RBFOX1: variants seen among roughly 807,000 people sequenced by gnomAD.
RBFOX1 encodes the protein RNA binding fox-1 homolog 1.
In RBFOX1, 8 loss-of-function variants were observed where a neutral mutation model predicts 57.7. That is an observed-to-expected ratio of 0.14 (90% CI 0.08 to 0.25). The LOEUF (loss-of-function observed/expected upper bound fraction) is 0.25. RBFOX1 is among the 10% of genes least tolerant of loss of function. RBFOX1 has a pLI of 1.00. For missense variants in RBFOX1, 611 were observed against 548.5 expected (o/e 1.11, Z -1.14); for synonymous variants, 326 against 222.4 (o/e 1.47, Z -4.15).
At chr16:7,171,153 A>G (rs1226350207) in intron 4 of RBFOX1, among the ~76,000 whole-genome samples, 2 of 152,148 alleles carry the variant, frequency 1.3e-5, no homozygotes, top group African/African-American at 2.4e-5. Flanking sequence ...ACTTGCCACC[A>G]TTGCCAGTCG....
At chr16:6,449,284 T>C (rs989610881) in intron 2 of RBFOX1, among the ~76,000 whole-genome samples, 10 of 152,220 alleles carry the variant, frequency 6.6e-5, no homozygotes, top group African/African-American at 2.2e-4. Context: ...AAATCATGCT[T>C]GCTCGTTTCT....
chr16:7,178,736 T>G (rs2082136116), intron 4 of RBFOX1, among the ~76,000 whole-genome samples: 1 of 152,186 alleles, frequency 6.6e-6, no homozygotes, highest in East Asian at 1.9e-4. Flanking sequence ...GGACCTCAGA[T>G]GTATTGCTGT....
At position 5,834,137 on chromosome 16, in the gene RBFOX1, A is replaced by G. The variant is rs78608454; in HGVS notation, c.319-33166A>G. 7.7e-4 allele frequency among the ~76,000 whole-genome samples: 118 copies of G among 152,308 alleles called. 1 individual carries two copies. The highest frequency in any genetic ancestry group is 2.5e-3 in the African/African-American group (105 of 41,552). ...TTTAAGAAATTAAGACAATTTTTCA[A>G]TGGCTTCAGTGGTACACGTGGTTTT... is the stretch of plus-strand genomic sequence containing the variant. On this transcript the variant is annotated intron_variant, in intron 3 of 19. Transcript: ENST00000641259.
At chr16:6,076,838 A>T (rs1056982317) in intron 1 of RBFOX1, among the ~76,000 whole-genome samples, 1 of 152,156 alleles carries the variant, frequency 6.6e-6, no homozygotes, top group Non-Finnish European at 1.5e-5. Context: ...CATGAGGCCA[A>T]AAACGGGAGC....
intron 4 of RBFOX1, among the ~76,000 whole-genome samples, chr16:7,327,805 A>G (rs572447948): frequency 1.5e-4 from 19 of 129,606 alleles, no homozygotes; most frequent in Admixed American, 1.1e-3. Context: ...CCCATTAAAC[A>G]ATATTACCTT....
At chr16:7,706,390 T>G (rs2082449329) in intron 14 of RBFOX1, among the ~76,000 whole-genome samples, 1 of 152,184 alleles carries the variant, frequency 6.6e-6, no homozygotes, top group South Asian at 2.1e-4. Flanking sequence ...TGGAAGAGAA[T>G]ACTGCCAAAT....
At chr16:6,635,379 A>G (rs2098423330) in intron 2 of RBFOX1, among the ~76,000 whole-genome samples, 1 of 152,114 alleles carries the variant, frequency 6.6e-6, no homozygotes, top group African/African-American at 2.4e-5. Context: ...AATCATTTCC[A>G]CCATAGCCCA....
intron 4 of RBFOX1, among the ~76,000 whole-genome samples, chr16:7,436,055 G>A (rs2098719191): frequency 6.6e-6 from 1 of 152,148 alleles, no homozygotes; most frequent in Admixed American, 6.5e-5. Flanking sequence ...TGAACATCGT[G>A]AGAATTTCTT....
intron 1 of RBFOX1, among the ~76,000 whole-genome samples, chr16:6,308,429 G>A (rs1304396508): frequency 6.6e-6 from 1 of 152,186 alleles, no homozygotes; most frequent in African/African-American, 2.4e-5. Context: ...TTACATAAAT[G>A]AATGCACATG....
intron 4 of RBFOX1, among the ~76,000 whole-genome samples, chr16:5,907,045 G>T (rs1341385323): frequency 6.6e-6 from 1 of 151,988 alleles, no homozygotes; most frequent in Non-Finnish European, 1.5e-5. Flanking sequence ...CCCATCTGGG[G>T]GATTTTAAAA....
chr16:5,472,681 C>T (rs2069179384), intron 2 of RBFOX1, among the ~76,000 whole-genome samples: 1 of 152,162 alleles, frequency 6.6e-6, no homozygotes, highest in South Asian at 2.1e-4. Context: ...ATTCACAGCG[C>T]CTTCCCTGTT....
chr16:6,535,645 G>A (rs7186783), intron 2 of RBFOX1, among the ~76,000 whole-genome samples: 24,343 of 152,096 alleles, frequency 0.16, 2,189 homozygotes, highest in East Asian at 0.41. Context: ...ATCAACCGTT[G>A]CTCCAGGCTT....
intron 2 of RBFOX1, among the ~76,000 whole-genome samples, chr16:5,548,170 A>ATATATATATATATATATATAT (rs1317008346): frequency 6.6e-4 from 27 of 40,668 alleles, no homozygotes; most frequent in Admixed American, 1.9e-3. Flanking sequence ...AAAAAAAAAA[A>ATATATATATATATATATATAT]AAAAATATAT....
chr16:6,910,365 T>C (rs549637030), intron 3 of RBFOX1, among the ~76,000 whole-genome samples: 79 of 152,314 alleles, frequency 5.2e-4, no homozygotes, highest in African/African-American at 1.8e-3. Flanking sequence ...CCCATCTTCC[T>C]ATTTCCCTTC....
chr16:5,844,516 C>T (rs1639202317), intron 3 of RBFOX1, among the ~76,000 whole-genome samples: 1 of 152,128 alleles, frequency 6.6e-6, no homozygotes, highest in Non-Finnish European at 1.5e-5. Context: ...CCTGCGTTCA[C>T]CTTGGACATG....
chr16:7,028,417 G>A (rs145730839), intron 3 of RBFOX1, among the ~76,000 whole-genome samples: 2 of 151,808 alleles, frequency 1.3e-5, no homozygotes, highest in Non-Finnish European at 2.9e-5. Flanking sequence ...GAGGAAACCT[G>A]TCTCTACTAA....
intron 4 of RBFOX1, among the ~76,000 whole-genome samples, chr16:7,058,553 T>C (rs1040589917): frequency 2.0e-5 from 3 of 152,100 alleles, no homozygotes; most frequent in African/African-American, 4.8e-5. Context: ...GAGATAATCA[T>C]TGCACAGATT....
At chr16:5,443,407 G>A (rs2068145478) in intron 1 of RBFOX1, among the ~76,000 whole-genome samples, 2 of 152,146 alleles carry the variant, frequency 1.3e-5, no homozygotes, top group South Asian at 4.1e-4. Context: ...TCGCGATCTT[G>A]GCTCACTGCA....
intron 3 of RBFOX1, among the ~76,000 whole-genome samples, chr16:6,735,153 A>AC (rs1568400135): frequency 9.2e-5 from 14 of 151,390 alleles, no homozygotes; most frequent in East Asian, 7.8e-4. Flanking sequence ...TGTCTCAACA[A>AC]AAACAACAAC....
Sources: gnomAD v4.1 joint callset for allele counts (sites outside exome capture counted in the v4.1 genomes callset) on GRCh38, gnomAD v4.1.1 for gene constraint, MANE v1.5 for transcripts, NCBI Gene and HGNC (gene_info 2026-07-23, HGNC 2026-07-21) for gene names.